The following ACYP2 variants were observed in gnomAD, a reference collection of about 807,000 sequenced individuals.
ACYP2 encodes acylphosphatase 2, also known as acylphosphatase-2.
In ACYP2, 12 loss-of-function variants were observed where a neutral mutation model predicts 11.2. That is an observed-to-expected ratio of 1.08 (90% CI 0.69 to 1.74). The LOEUF (loss-of-function observed/expected upper bound fraction) is 1.74, where lower values mean the gene tolerates loss of function less well. Ranked by LOEUF, ACYP2 falls within the 40% of genes most tolerant of loss-of-function variation. ACYP2 has a pLI of 0.00. For synonymous variants in ACYP2, 43 were observed against 32.2 expected (o/e 1.33, Z -1.13); for missense variants, 134 against 101.9 (o/e 1.31, Z -1.35).
intron 4 of ACYP2, among the ~76,000 whole-genome samples, chr2:54,120,884 G>A (rs548913630): frequency 3.3e-5 from 5 of 152,272 alleles, no homozygotes; most frequent in Non-Finnish European, 5.9e-5. Context: ...TGCTTGGGGA[G>A]TCCTGAGGCC....
intron 6 of ACYP2, among the ~76,000 whole-genome samples, chr2:54,165,743 C>A (rs1239719230): frequency 6.6e-6 from 1 of 152,058 alleles, no homozygotes. Context: ...AACCAGTCTT[C>A]CTGTTAGTTT....
chr2:54,295,816 A>G (rs544090899), intron 6 of ACYP2, among the ~76,000 whole-genome samples: 1 of 151,628 alleles, frequency 6.6e-6, no homozygotes, highest in East Asian at 2.0e-4. Context: ...GCTGGAGTGC[A>G]GTGGCGCGAT....
At chr2:54,270,043 A>G (rs1558658296) in intron 6 of ACYP2, among the ~76,000 whole-genome samples, 1 of 152,146 alleles carries the variant, frequency 6.6e-6, no homozygotes, top group East Asian at 1.9e-4. Context: ...TCATATGCAA[A>G]TAGTATGTTT....
At chr2:54,015,685 ACACG>A (rs1168660839) in intron 2 of ACYP2, among the ~76,000 whole-genome samples, 2 of 143,652 alleles carry the variant, frequency 1.4e-5, no homozygotes, top group African/African-American at 5.3e-5. Flanking sequence ...ACACACACAC[ACACG>A]GCAGAATCTC....
intron 6 of ACYP2, 73 bp downstream of exon 3, chr2:54,138,821 C>A: frequency 3.2e-6 from 4 of 1,267,424 alleles, no homozygotes; most frequent in South Asian, 2.7e-5. Context: ...AAGACATGGT[C>A]TTGCTCTGTT....
At chr2:54,041,331 G>A (rs1414553863) in intron 2 of ACYP2, among the ~76,000 whole-genome samples, 1 of 152,144 alleles carries the variant, frequency 6.6e-6, no homozygotes, top group African/African-American at 2.4e-5. Context: ...GCAGCGGTGG[G>A]TGTTTGTGGG....
At chr2:54,259,012 C>A (rs77572768) in intron 6 of ACYP2, among the ~76,000 whole-genome samples, 3,245 of 152,278 alleles carry the variant, frequency 0.021, 48 homozygotes, top group Non-Finnish European at 0.036. Flanking sequence ...AGTTATCCAG[C>A]CTTGCAAGAA....
intron 2 of ACYP2, among the ~76,000 whole-genome samples, chr2:54,026,388 A>T (rs1197981658): frequency 6.6e-6 from 1 of 152,008 alleles, no homozygotes; most frequent in Admixed American, 6.5e-5. Context: ...CAATAACCAT[A>T]ATTAAAAAAT....
chr2:54,248,165 T>C lies in ACYP2; in HGVS notation c.405-56523T>C, dbSNP rs1403196055. Among the ~76,000 whole-genome samples the C allele has an allele frequency of 3.3e-5, 5 of 152,240 alleles. No homozygotes were observed. In the East Asian group the frequency reaches 9.6e-4, roughly 29 times the overall value. On this transcript the variant is annotated intron_variant, in intron 6 of 6. Transcript: ENST00000607452. ...CAGCCTCCTTTCTGAGAATTAGAAC[T>C]AATGTACTTAGAAGGATTTGACTGA...
At chr2:54,260,188 G>A (rs542217964) in intron 6 of ACYP2, among the ~76,000 whole-genome samples, 1 of 152,286 alleles carries the variant, frequency 6.6e-6, no homozygotes, top group African/African-American at 2.4e-5. Flanking sequence ...TAGTAAACAG[G>A]TAGAAGTGAT....
At chr2:54,214,997 A>T (rs977502881) in intron 6 of ACYP2, among the ~76,000 whole-genome samples, 1 of 152,068 alleles carries the variant, frequency 6.6e-6, no homozygotes, top group Non-Finnish European at 1.5e-5. Context: ...TAGGTATTTT[A>T]TTCTTTTTGT....
At chr2:54,253,975 TGA>T (rs982167726) in intron 6 of ACYP2, 1 of 152,184 alleles carries the variant, frequency 6.6e-6, no homozygotes, top group Admixed American at 6.5e-5. Flanking sequence ...AAGAGATTTA[TGA>T]GAGATGAGAG....
intron 6 of ACYP2, among the ~76,000 whole-genome samples, chr2:54,162,181 A>G (rs7604464): frequency 0.11 from 16,899 of 152,152 alleles, 2,058 homozygotes; most frequent in African/African-American, 0.3. Flanking sequence ...TATTGTTTGT[A>G]ATAGGTCTCA....
At chr2:54,159,313 C>T (rs1244113659) in intron 6 of ACYP2, among the ~76,000 whole-genome samples, 1 of 150,942 alleles carries the variant, frequency 6.6e-6, no homozygotes, top group African/African-American at 2.4e-5. Flanking sequence ...AGTTGCAGAA[C>T]TGGGCTTCAA....
At chr2:54,171,656 T>C (rs993267721) in intron 6 of ACYP2, among the ~76,000 whole-genome samples, 1 of 152,212 alleles carries the variant, frequency 6.6e-6, no homozygotes, top group African/African-American at 2.4e-5. Context: ...TTTTTTCCTG[T>C]AAGAGCTTTT....
chr2:53,974,970 C>T (rs1002277042), intron 2 of ACYP2, among the ~76,000 whole-genome samples: 1 of 152,066 alleles, frequency 6.6e-6, no homozygotes, highest in African/African-American at 2.4e-5. Context: ...TGAAAGGATT[C>T]GCCTGAGCAA....
intron 6 of ACYP2, among the ~76,000 whole-genome samples, chr2:54,153,276 C>T (rs1038038625): frequency 6.6e-6 from 1 of 151,408 alleles, no homozygotes; most frequent in Non-Finnish European, 1.5e-5. Flanking sequence ...AAAAAAAAAT[C>T]AGTTGACTGT....
intron 4 of ACYP2, chr2:54,085,126 CATTCCTGGAAATAT>C (rs1302098544): frequency 2.0e-5 from 3 of 152,196 alleles, no homozygotes; most frequent in African/African-American, 7.2e-5. Context: ...GAAAAAAAAT[CATTCCTGGAAATAT>C]ATTCCTGGTC....
At chr2:54,149,592 C>T (rs908234290) in intron 6 of ACYP2, among the ~76,000 whole-genome samples, 2 of 151,990 alleles carry the variant, frequency 1.3e-5, no homozygotes, top group African/African-American at 4.8e-5. Flanking sequence ...TGAGCATAAG[C>T]CTTTGAATAA....
Sources: allele counts gnomAD v4.1 joint callset (sites outside exome capture counted in the v4.1 genomes callset), GRCh38; gene constraint gnomAD v4.1.1; transcripts MANE v1.5; gene names NCBI Gene and HGNC (gene_info 2026-07-23, HGNC 2026-07-21).